PCDHGA11: variants seen among roughly 807,000 people sequenced by gnomAD.
PCDHGA11 encodes the protein protocadherin gamma-A11.
A neutral mutation model predicts 60.4 loss-of-function variants in PCDHGA11; 39 were observed. The ratio of observed to expected loss-of-function variants is 0.65; its 90% CI spans 0.50 to 0.84. PCDHGA11 has a LOEUF of 0.84. Ranked by LOEUF, PCDHGA11 falls within the 40% of genes least tolerant of loss-of-function variation. The probability of loss-of-function intolerance (pLI) is 0.00; values close to 1 mark genes in which losing one functional copy is unlikely to be tolerated. For synonymous variants in PCDHGA11, 533 were observed against 510.3 expected (o/e 1.04, Z -0.60); for missense variants, 1,165 against 1,197.7 (o/e 0.97, Z 0.40).
intron 1 of PCDHGA11, among the ~76,000 whole-genome samples, chr5:141,482,498 T>G (rs1226516612): frequency 1.5e-5 from 2 of 135,390 alleles, no homozygotes; most frequent in African/African-American, 3.0e-5. Context: ...GTTATCATTC[T>G]GGTACCCAGA....
Position 141,421,296 on chromosome 5 carries a change from G to C in PCDHGA11, c.69G>C (p.Thr23=). 1 of 1,613,444 alleles carries C rather than the reference G, an allele frequency of 6.2e-7. No individual in the cohort carries two copies. Among genetic ancestry groups the C allele is most frequent in the Non-Finnish European group, 8.5e-7 (1 of 1,179,798 alleles). ...LLLLLCIFLG[T]LRGFRARQIR... ...TGCTGCTGTGCATTTTCCTGGGGAC[G>C]CTGCGGGGGTTCCGGGCCAGGCAGA... Residue 23 remains threonine (T), a synonymous_variant, in exon 1 of 4, where the codon ACG becomes ACC. Transcript: ENST00000398587.
chr5:141,428,200 G>A (rs1000165985), intron 1 of PCDHGA11: 3 of 1,363,858 alleles, frequency 2.2e-6, no homozygotes, highest in East Asian at 2.3e-5. Flanking sequence ...TCTCTGCGCC[G>A]CTACGCTTCA....
At chr5:141,444,178 TTTTTTTTTTTG>T in intron 1 of PCDHGA11, among the ~76,000 whole-genome samples, 1 of 134,050 alleles carries the variant, frequency 7.5e-6, no homozygotes, top group Admixed American at 7.5e-5. Flanking sequence ...TTTTTTTTTT[TTTTTTTTTTTG>T]AGATGGAGTT....
In PCDHGA11 at chr5:141,422,843, G is replaced by C. The variant is rs778670588; in HGVS notation, c.1616G>C (p.Gly539Ala). 1.9e-6 allele frequency: 3 copies of C among 1,614,234 alleles called. No homozygotes were observed. In the East Asian group the frequency reaches 6.7e-5, roughly 36 times the overall value. ...CTGAGAGTGATAGCACGTGACAGCG[G>C]GGACCCGCCCCTCAGCAGCAACGTG... is the stretch of plus-strand genomic sequence containing the variant. ...LELRVIARDSGDPPLSSNVSL... is the reference protein window; with the variant it reads ...LELRVIARDSADPPLSSNVSL... The change falls in exon 1 of 4, where the codon GGG (glycine) becomes GCG (alanine). Residue 539 changes from glycine to alanine, a missense_variant. Coordinates refer to ENST00000398587, the MANE Select transcript of PCDHGA11 (RefSeq NM_018914.3).
rs762770481 is a variant in PCDHGA11, at chr5:141,432,320, G to GACT, written c.2433+8663_2433+8665dup. On this transcript the variant is annotated intron_variant, in intron 1 of 3. Coordinates refer to ENST00000398587, the MANE Select transcript of PCDHGA11 (RefSeq NM_018914.3). This position sits in a 1 kb window ranked among gnomAD's most constrained non-coding sequence, Gnocchi z 6.0. ...GGTACTGTATGCGCTGAGCTCCTTC[G>GACT]ACTACGAGCAGTTCCGAGACTTGCA... is the stretch of plus-strand genomic sequence containing the variant. The GACT allele has an allele frequency of 2.6e-5, 42 of 1,614,238 alleles. No individual in the cohort carries two copies. The highest frequency in any genetic ancestry group is 3.6e-5 in the Non-Finnish European group (42 of 1,180,038).
At chr5:141,430,206 TTATTA>T (rs1267858049) in intron 1 of PCDHGA11, among the ~76,000 whole-genome samples, 2 of 151,984 alleles carry the variant, frequency 1.3e-5, no homozygotes, top group African/African-American at 4.8e-5. Flanking sequence ...AAAGTTTAAA[TTATTA>T]TATTATATGA....
intron 1 of PCDHGA11, among the ~76,000 whole-genome samples, chr5:141,438,623 T>C (rs1485045684): frequency 2.3e-4 from 10 of 42,840 alleles, no homozygotes; most frequent in Non-Finnish European, 3.8e-4. Flanking sequence ...TATATATATA[T>C]ATATATATAT....
chr5:141,499,996 C>A (rs1246090346), intron 2 of PCDHGA11, among the ~76,000 whole-genome samples: 2 of 151,572 alleles, frequency 1.3e-5, no homozygotes, highest in Non-Finnish European at 2.9e-5. Flanking sequence ...CCAGATGATT[C>A]TTTCATAAGG....
intron 1 of PCDHGA11, among the ~76,000 whole-genome samples, chr5:141,457,384 G>A (rs2154565902): frequency 6.6e-6 from 1 of 152,270 alleles, no homozygotes; most frequent in African/African-American, 2.4e-5. Context: ...CCCAGAACTA[G>A]CATATTGATT....
intron 1 of PCDHGA11, 110 bp from the exon 2 acceptor site, chr5:141,494,697 T>C: frequency 6.3e-7 from 1 of 1,590,934 alleles, no homozygotes; most frequent in Non-Finnish European, 8.6e-7. Flanking sequence ...TAGTCCGTTT[T>C]CTTCTCTGTG....
At chr5:141,434,338 G>A (rs1037038534) in intron 1 of PCDHGA11, among the ~76,000 whole-genome samples, 5 of 152,086 alleles carry the variant, frequency 3.3e-5, no homozygotes, top group East Asian at 1.9e-4. Context: ...TCTTTGTGTC[G>A]GGAACAGGCC....
chr5:141,484,757 T>C (rs2099600412), intron 1 of PCDHGA11, among the ~76,000 whole-genome samples: 1 of 151,626 alleles, frequency 6.6e-6, no homozygotes, highest in East Asian at 1.9e-4. Flanking sequence ...AATGTATATA[T>C]ATATATATGT....
chr5:141,476,716 C>T lies in PCDHGA11; in HGVS notation c.2434-18091C>T. On this transcript the variant is annotated intron_variant, in intron 1 of 3. Transcript: ENST00000398587. This position sits in a 1 kb window ranked among gnomAD's most constrained non-coding sequence, Gnocchi z 7.6. ...AGTACGCGGAGCTGGTGTTGGAGCG[C>T]GCCCTGGACCGAGAACGGGAGCCTA... 15 of 1,614,148 alleles carry T rather than the reference C, an allele frequency of 9.3e-6. No homozygotes were observed. The highest frequency in any genetic ancestry group is 1.3e-5 in the Non-Finnish European group (15 of 1,180,036).
chr5:141,492,296 G>GACGC lies in PCDHGA11; in HGVS notation c.2434-2500_2434-2497dup, dbSNP rs540417011. 9.7e-4 allele frequency among the ~76,000 whole-genome samples: 148 copies of GACGC among 152,328 alleles called. 2 individuals are homozygous for GACGC. In the South Asian group the frequency reaches 0.014, roughly 14 times the overall value. ...GCCACGCCCCGCCAACACGTGCGCGGACGCACGCACGCACTCCTCGCACGT... is the reference window on the plus strand; with the variant it reads ...GCCACGCCCCGCCAACACGTGCGCGGACGCACGCACGCACGCACTCCTCGCACGT... On this transcript the variant is annotated intron_variant, in intron 1 of 3. Transcript: ENST00000398587.
rs767394630 is a variant in PCDHGA11 at position 141,422,396 on chromosome 5, A to G, written c.1169A>G (p.His390Arg). The change falls in exon 1 of 4, where the codon CAC becomes CGC. Residue 390 changes from histidine to arginine, a missense_variant. Transcript: ENST00000398587. The part of the protein sequence containing the change: ...NGQVSCFIPN[H>R]LPFKLEKTYG... ...CAAGTCTCCTGTTTTATTCCTAACC[A>G]CCTGCCTTTTAAATTAGAAAAGACT... 10 of 1,597,278 alleles carry G rather than the reference A, an allele frequency of 6.3e-6. No individual in the cohort carries two copies. The highest frequency in any genetic ancestry group is 8.5e-6 in the Non-Finnish European group (10 of 1,173,960).
chr5:141,505,891 G>A (rs541853565), intron 3 of PCDHGA11, among the ~76,000 whole-genome samples: 9 of 152,288 alleles, frequency 5.9e-5, no homozygotes, highest in Admixed American at 5.9e-4. Context: ...GATTAAATGA[G>A]ATGATACCAC....
chr5:141,430,617 C>G, intron 1 of PCDHGA11: 1 of 715,450 alleles, frequency 1.4e-6, no homozygotes, highest in South Asian at 3.9e-5. Context: ...AAGCAGATAG[C>G]TAGGAATGAA....
chr5:141,428,488 CTGT>C (rs2097142454), intron 1 of PCDHGA11: 1 of 312,362 alleles, frequency 3.2e-6, no homozygotes. Flanking sequence ...TTCCTGCAAT[CTGT>C]ATGTTCCCTC....
rs145484670 is a variant in PCDHGA11 at position 141,469,912 on chromosome 5, C to T, written c.2434-24895C>T. Among the ~76,000 whole-genome samples, 674 of 152,288 alleles carry T rather than the reference C, an allele frequency of 4.4e-3. 6 individuals are homozygous for T. The highest frequency in any genetic ancestry group is 0.015 in the African/African-American group (642 of 41,562). On this transcript the variant is annotated intron_variant, in intron 1 of 3. Transcript: ENST00000398587. ...TTGGGAAGCCGAGGCAGGCAGACCA[C>T]CCGAGGTCAGGAGTTTGAGACCAGC...
Sources: gnomAD v4.1 joint callset for allele counts (sites outside exome capture counted in the v4.1 genomes callset) on GRCh38, gnomAD v4.1.1 for gene constraint, Gnocchi (gnomAD v3.1) non-coding constraint, MANE v1.5 for transcripts, NCBI Gene and HGNC (gene_info 2026-07-23, HGNC 2026-07-21) for gene names.